PMFBP1: variants seen among roughly 807,000 people sequenced by gnomAD.
PMFBP1 encodes polyamine-modulated factor 1-binding protein 1.
PMFBP1 carries 131 observed loss-of-function variants against 137.8 expected under a neutral mutation model. The ratio of observed to expected loss-of-function variants is 0.95; its 90% CI spans 0.82 to 1.10. The LOEUF is 1.10. Among genes scored for constraint, PMFBP1 ranks in the 50% least tolerant of loss-of-function variants. The probability of loss-of-function intolerance (pLI) is 0.00; values close to 1 mark genes in which losing one functional copy is unlikely to be tolerated. For synonymous variants in PMFBP1, 490 were observed against 450.4 expected, an observed-to-expected ratio of 1.09 and a Z score of -1.11; for missense variants, 1,199 against 1,175.4, an observed-to-expected ratio of 1.02 and a Z score of -0.29.
intron 12 of PMFBP1, 121 bp downstream of exon 12, chr16:72,130,092 T>G: frequency 7.4e-7 from 1 of 1,344,722 alleles, no homozygotes; most frequent in Non-Finnish European, 1.0e-6. Context: ...TGGGCTCAAG[T>G]GATCTGCCTG....
intron 14 of PMFBP1, among the ~76,000 whole-genome samples, chr16:72,126,598 C>A (rs1402872241): frequency 1.3e-5 from 2 of 152,204 alleles, no homozygotes; most frequent in Non-Finnish European, 2.9e-5. Flanking sequence ...TTCCCCATTG[C>A]TGTAACTCAG....
chr16:72,201,741 C>T, the PMFBP1 span, among the ~76,000 whole-genome samples: 1 of 152,262 alleles, frequency 6.6e-6, no homozygotes, highest in African/African-American at 2.4e-5. Context: ...TAATTACCCA[C>T]TATACGGTTA....
the PMFBP1 span, among the ~76,000 whole-genome samples, chr16:72,192,173 G>A: frequency 2.3e-3 from 354 of 152,240 alleles, 2 homozygotes; most frequent in Non-Finnish European, 3.7e-3. Flanking sequence ...CTAAGAGGAG[G>A]GAGGGAAGGA....
At chr16:72,128,616 G>C (rs757107968) in intron 14 of PMFBP1, 41 bp downstream of exon 14, 7 of 1,613,736 alleles carry the variant, frequency 4.3e-6, no homozygotes, top group Non-Finnish European at 5.1e-6. Context: ...AGGGTCACAG[G>C]GTTCAAATTC....
the PMFBP1 span, among the ~76,000 whole-genome samples, chr16:72,217,304 TAC>T: frequency 6.6e-6 from 1 of 152,214 alleles, no homozygotes; most frequent in East Asian, 1.9e-4. Flanking sequence ...ATATTATAAT[TAC>T]ATTTTAAAAT....
At chr16:72,187,011 G>A in the PMFBP1 span, among the ~76,000 whole-genome samples, 1 of 151,694 alleles carries the variant, frequency 6.6e-6, no homozygotes. Context: ...TACTCAGGAG[G>A]CTGAGGCAGG....
At chr16:72,249,613 G>A in the PMFBP1 span, among the ~76,000 whole-genome samples, 40 of 151,780 alleles carry the variant, frequency 2.6e-4, no homozygotes, top group Admixed American at 9.8e-4. Flanking sequence ...GTCTGAGTTC[G>A]GGGGAAAGAA....
upstream of PMFBP1, among the ~76,000 whole-genome samples, chr16:72,180,237 A>C (rs971387958): frequency 6.6e-6 from 1 of 152,202 alleles, no homozygotes; most frequent in African/African-American, 2.4e-5. Context: ...CTTCTGGTGC[A>C]TACTCTGGGC....
intron 2 of PMFBP1, among the ~76,000 whole-genome samples, chr16:72,170,090 T>G (rs1372135129): frequency 1.3e-5 from 2 of 152,054 alleles, no homozygotes; most frequent in Non-Finnish European, 2.9e-5. Context: ...GTAAGCTCCA[T>G]GAGAGTAGAG....
At chr16:72,118,790 C>T (rs2042334781), downstream of PMFBP1, among the ~76,000 whole-genome samples, 1 of 152,060 alleles carries the variant, frequency 6.6e-6, no homozygotes, top group South Asian at 2.1e-4. Context: ...TGCTCTTGCT[C>T]CCCCACTTGG....
At chr16:72,130,395 G>T (rs1196943515) in intron 11 of PMFBP1, 38 bp from the exon 12 acceptor site, 1 of 1,613,660 alleles carries the variant, frequency 6.2e-7, no homozygotes, top group African/African-American at 1.3e-5. Flanking sequence ...ACAGACTTCA[G>T]TGCCCATGTG....
the PMFBP1 span, among the ~76,000 whole-genome samples, chr16:72,184,480 A>C: frequency 6.6e-6 from 1 of 152,222 alleles, no homozygotes; most frequent in East Asian, 1.9e-4. Flanking sequence ...TTGTGTGAGA[A>C]GGAGAGGCAC....
the PMFBP1 span, among the ~76,000 whole-genome samples, chr16:72,196,996 A>T: frequency 6.6e-6 from 1 of 152,222 alleles, no homozygotes; most frequent in Non-Finnish European, 1.5e-5. Context: ...AGTAGGTCTG[A>T]GGTCCCCTTG....
chr16:72,136,336 T>C (rs1362741589), intron 9 of PMFBP1, 112 bp downstream of exon 9: 7 of 1,257,084 alleles, frequency 5.6e-6, no homozygotes, highest in African/African-American at 1.5e-5. Flanking sequence ...TCACTGTGCT[T>C]GTGTTGAGGC....
rs530585498 is a variant in PMFBP1, at chr16:72,129,482, C to A, written c.1783-249G>T. On this transcript the variant is annotated intron_variant, in intron 12 of 20. Transcript: ENST00000237353. ...ACCAGCTTTCTCTCCCACTTTCTTA[C>A]CAATTCTTCCCAAAGATTAGGAAGA... 3.3e-5 allele frequency among the ~76,000 whole-genome samples: 5 copies of A among 152,272 alleles called. No individual in the cohort carries two copies. The East Asian group carries it at 5.8e-4, about 18-fold the overall frequency.
the PMFBP1 span, among the ~76,000 whole-genome samples, chr16:72,196,137 T>TCCA: frequency 1.3e-5 from 2 of 152,036 alleles, no homozygotes; most frequent in Admixed American, 6.6e-5. Context: ...TGCCCCTGAG[T>TCCA]CCACCTTACA....
At chr16:72,227,133 A>C in the PMFBP1 span, among the ~76,000 whole-genome samples, 1 of 148,724 alleles carries the variant, frequency 6.7e-6, no homozygotes, top group South Asian at 2.1e-4. Context: ...TAGGAATTGT[A>C]AAGACTACTT....
At chr16:72,197,505 G>A in the PMFBP1 span, among the ~76,000 whole-genome samples, 4 of 152,178 alleles carry the variant, frequency 2.6e-5, no homozygotes, top group African/African-American at 9.7e-5. Flanking sequence ...GGGCTCCATG[G>A]GCAGTGTCTG....
At chr16:72,122,306 T>C (rs1034801593) in intron 19 of PMFBP1, among the ~76,000 whole-genome samples, 2 of 152,156 alleles carry the variant, frequency 1.3e-5, no homozygotes, top group Admixed American at 1.3e-4. Flanking sequence ...TAAGAAAAGG[T>C]TGGGAAGCGC....
Sources: allele counts gnomAD v4.1 joint callset (sites outside exome capture counted in the v4.1 genomes callset), GRCh38; gene constraint gnomAD v4.1.1; transcripts MANE v1.5; gene names NCBI Gene and HGNC (gene_info 2026-07-23, HGNC 2026-07-21).